Variants in ANKMY1 observed in about 807,000 individuals in gnomAD.
The protein encoded by ANKMY1 is ankyrin repeat and MYND domain containing 1.
A neutral mutation model predicts 102.0 loss-of-function variants in ANKMY1; 98 were observed. The observed-to-expected ratio is 0.96, with a 90% CI of 0.82 to 1.14. ANKMY1 has a LOEUF of 1.14. Among genes scored for constraint, ANKMY1 ranks in the 50% most tolerant of loss-of-function variants. The probability of loss-of-function intolerance (pLI) is 0.00; values close to 1 mark genes in which losing one functional copy is unlikely to be tolerated. For synonymous variants in ANKMY1, 582 were observed against 559.9 expected, an observed-to-expected ratio of 1.04 and a Z score of -0.56; for missense variants, 1,330 against 1,347.6, an observed-to-expected ratio of 0.99 and a Z score of 0.20.
chr2:240,520,187 G>A lies in ANKMY1; in HGVS notation c.2004+175C>T. 1 of 948,160 alleles carries A rather than the reference G, an allele frequency of 1.1e-6. No individual in the cohort carries two copies. Among genetic ancestry groups the A allele is most frequent in the South Asian group, 1.4e-5 (1 of 71,436 alleles). 58.7% of individuals were successfully genotyped at this position (948,160 alleles called of 1,614,324 possible). A position where few individuals can be genotyped will look rare whatever the true frequency, so the allele number is the denominator to read the frequency against. ...CCAAATCCTGTCTGGGGACATGGGT[G>A]AAAGAGCGGGCTGTGGGACCCCCCA... On this transcript the variant is annotated intron_variant, in intron 9 of 17. Transcript: ENST00000401804. The surrounding 1 kb of genome is among the most constrained non-coding windows in gnomAD (Gnocchi z 4.8).
chr2:240,496,181 T>G (rs934841585), intron 15 of ANKMY1, among the ~76,000 whole-genome samples: 2 of 152,216 alleles, frequency 1.3e-5, no homozygotes, highest in African/African-American at 2.4e-5. Context: ...TTTCAGTATT[T>G]TAACTCTGAT....
Position 240,524,187 on chromosome 2 carries a change from C to T in ANKMY1, c.1530G>A (p.Gly510=), listed in dbSNP as rs1320559153. The part of the protein sequence containing the change: ...GGHFQDTGQC[G]GSIDHRSSSL... ...AGCTGCTCCTGTGGTCTATGGACCCCCCACACTGCCCGGTGTCCTGGAAGT... is the reference window on the plus strand; with the variant it reads ...AGCTGCTCCTGTGGTCTATGGACCCTCCACACTGCCCGGTGTCCTGGAAGT... Residue 510 remains glycine, a synonymous_variant, in exon 8 of 18, where the codon GGG becomes GGA. Coordinates refer to ENST00000401804, the MANE Select transcript of ANKMY1 (RefSeq NM_001282771.3). 6.2e-7 allele frequency: 1 copy of T among 1,613,890 alleles called. No individual in the cohort carries two copies. Among genetic ancestry groups the T allele is most frequent in the Non-Finnish European group, 8.5e-7 (1 of 1,180,028 alleles).
intron 2 of ANKMY1, among the ~76,000 whole-genome samples, chr2:240,556,217 G>A (rs1475779351): frequency 2.0e-5 from 3 of 152,176 alleles, no homozygotes; most frequent in African/African-American, 7.2e-5. Context: ...GGGCTTGTGG[G>A]GTGCCTGCAT....
rs181928352 is a variant in ANKMY1, at chr2:240,544,613, G to A, written c.480+8301C>T. Among the ~76,000 whole-genome samples the A allele has an allele frequency of 2.9e-4, 44 of 152,332 alleles. 2 individuals carry two copies. The highest frequency in any genetic ancestry group is 1.0e-3 in the African/African-American group (43 of 41,580). On this transcript the variant is annotated intron_variant, in intron 4 of 17. Coordinates refer to ENST00000401804, the MANE Select transcript of ANKMY1 (RefSeq NM_001282771.3). ...CTGAGGTACCGGGTTCATCTCACTA[G>A]GGAGTGCCAGACAGTGGGCGCAGGT...
chr2:240,560,258 T>C (rs1294963233), upstream of ANKMY1: 1 of 159,690 alleles, frequency 6.3e-6, no homozygotes, highest in East Asian at 1.8e-4. Flanking sequence ...CACGGGGCCC[T>C]AGCCGAACGA....
intron 11 of ANKMY1, 116 bp from the exon 12 acceptor site, chr2:240,509,571 G>A: frequency 5.5e-6 from 4 of 722,438 alleles, no homozygotes; most frequent in Non-Finnish European, 9.1e-6. Context: ...GCTACTTCCT[G>A]CCAACCATTA....
chr2:240,526,283 A>G lies in ANKMY1; in HGVS notation c.1116T>C (p.Phe372=). 2.5e-6 allele frequency: 4 copies of G among 1,614,172 alleles called. No individual in the cohort carries two copies. The highest frequency in any genetic ancestry group is 8.5e-7 in the Non-Finnish European group (1 of 1,180,028). ...TTGCGTCCGCCACGTCAGCACTAGC[A>G]AAGTTGTCCTTCAGGATCCTACAAA... The part of the protein sequence containing the change: ...EWICRILKDN[F]ASADVADAKG... The change falls in exon 6 of 18, where the codon TTT becomes TTC. Residue 372 remains phenylalanine (F), a synonymous_variant. Coordinates refer to ENST00000401804, the MANE Select transcript of ANKMY1 (RefSeq NM_001282771.3).
intron 4 of ANKMY1, among the ~76,000 whole-genome samples, chr2:240,545,759 A>G (rs1211945022): frequency 6.6e-6 from 1 of 152,254 alleles, no homozygotes; most frequent in Non-Finnish European, 1.5e-5. Flanking sequence ...AAAGGGTATC[A>G]GCGATGGAAG....
At chr2:240,526,672 G>T in intron 5 of ANKMY1, 1 of 1,426,508 alleles carries the variant, frequency 7.0e-7, no homozygotes, top group Non-Finnish European at 9.1e-7. Context: ...AAGATGCTTG[G>T]GCTATATGTC....
intron 4 of ANKMY1, among the ~76,000 whole-genome samples, chr2:240,548,417 G>A (rs2090866991): frequency 6.6e-6 from 1 of 152,148 alleles, no homozygotes; most frequent in African/African-American, 2.4e-5. Flanking sequence ...ATACTGAATG[G>A]GCAAAAACTG....
At chr2:240,494,117 G>C (rs770598578) in intron 15 of ANKMY1, among the ~76,000 whole-genome samples, 20 of 152,076 alleles carry the variant, frequency 1.3e-4, no homozygotes, top group Non-Finnish European at 2.9e-5. Flanking sequence ...TTGAAGCCAG[G>C]CTGGGTGGGC....
rs147472079 is a variant in ANKMY1, at chr2:240,506,639, C to T, written c.2526+921G>A. Among the ~76,000 whole-genome samples, 1,365 of 151,274 alleles carry T rather than the reference C, an allele frequency of 9.0e-3. 14 individuals are homozygous for T. The highest frequency in any genetic ancestry group is 0.028 in the South Asian group (133 of 4,782). On this transcript the variant is annotated intron_variant, in intron 13 of 17. Coordinates refer to ENST00000401804, the MANE Select transcript of ANKMY1 (RefSeq NM_001282771.3). The surrounding 1 kb of genome is among the most constrained non-coding windows in gnomAD (Gnocchi z 4.9). ...CCTGGGTCTCGCCCCCCATTCCAGA[C>T]GCCTGAGTCTCACCCCCCTCCTCCT...
intron 13 of ANKMY1, among the ~76,000 whole-genome samples, chr2:240,504,488 A>T (rs2078726255): frequency 1.3e-5 from 2 of 152,250 alleles, no homozygotes; most frequent in Admixed American, 1.3e-4. Flanking sequence ...ATGAAAATTA[A>T]AAACTTTTGT....
In ANKMY1 at chr2:240,500,057, G is replaced by T. The variant is rs755003928; in HGVS notation, c.2707C>A (p.Arg903=). ...CCCATGTACTCCAGGAGCCGCTTCC[G>T]CGCCAGGAACGTCTCGCGCTCTGCT... ...MPAERETFLA[R]KRLLEYMGLQ... The change falls in exon 15 of 18, where the codon CGG becomes AGG. Residue 903 remains arginine, a synonymous_variant. Transcript: ENST00000401804. The T allele has an allele frequency of 1.2e-6, 2 of 1,612,642 alleles. No homozygotes were observed. Among genetic ancestry groups the T allele is most frequent in the Admixed American group, 3.3e-5 (2 of 59,904 alleles).
intron 15 of ANKMY1, among the ~76,000 whole-genome samples, chr2:240,492,999 A>G (rs1574923361): frequency 6.6e-6 from 1 of 151,946 alleles, no homozygotes; most frequent in Non-Finnish European, 1.5e-5. Flanking sequence ...AAAAATCAGT[A>G]TTTCAAATTC....
intron 15 of ANKMY1, among the ~76,000 whole-genome samples, chr2:240,497,963 T>C (rs1490565421): frequency 6.6e-6 from 1 of 152,148 alleles, no homozygotes; most frequent in Admixed American, 6.5e-5. Context: ...CCTCCGCTCA[T>C]GGGCCAGTAC....
chr2:240,513,080 G>T lies in ANKMY1; in HGVS notation c.2005-138C>A, dbSNP rs189810532. The T allele has an allele frequency of 1.4e-5, 17 of 1,238,954 alleles. No homozygotes were observed. In the African/African-American group the frequency reaches 2.0e-4, roughly 14 times the overall value. 76.7% of individuals were successfully genotyped at this position (1,238,954 alleles called of 1,614,324 possible). On this transcript the variant is annotated intron_variant, in intron 9 of 17. Coordinates refer to ENST00000401804, the MANE Select transcript of ANKMY1 (RefSeq NM_001282771.3). The stretch of plus-strand genomic sequence containing the variant: ...TTCTCAGCCTCACCTGCCTCACAAC[G>T]TGCAGGCTACTGGTCCCTGAAGGCA...
chr2:240,544,652 C>T (rs1488735360), intron 4 of ANKMY1, among the ~76,000 whole-genome samples: 4 of 152,190 alleles, frequency 2.6e-5, no homozygotes, highest in Admixed American at 2.6e-4. Context: ...TGGGTGCGCG[C>T]ACTGTGCGCA....
At chr2:240,484,934 A>G (rs2075867538) in intron 15 of ANKMY1, among the ~76,000 whole-genome samples, 1 of 152,260 alleles carries the variant, frequency 6.6e-6, no homozygotes, top group Non-Finnish European at 1.5e-5. Context: ...TATGCAGCCA[A>G]CAAACATGAA....
Sources: allele counts gnomAD v4.1 joint callset (sites outside exome capture counted in the v4.1 genomes callset), GRCh38; gene constraint gnomAD v4.1.1; non-coding constraint Gnocchi (gnomAD v3.1); transcripts MANE v1.5; gene names NCBI Gene and HGNC (gene_info 2026-07-23, HGNC 2026-07-21).